The following PDE6D variants were observed in gnomAD, a reference collection of about 807,000 sequenced individuals.
PDE6D encodes retinal rod rhodopsin-sensitive cGMP 3',5'-cyclic phosphodiesterase subunit delta.
Under a neutral mutation model 21.9 loss-of-function variants are expected in PDE6D, and 10 were observed. The observed-to-expected ratio is 0.46, with a 90% confidence interval of 0.28 to 0.78. PDE6D has a LOEUF of 0.78. Among genes scored for constraint, PDE6D ranks in the 30% least tolerant of loss-of-function variants. The pLI is 0.12. For missense variants in PDE6D, 139 were observed against 184.8 expected, an observed-to-expected ratio of 0.75 and a Z score of 1.44; for synonymous variants, 59 against 63.5, an observed-to-expected ratio of 0.93 and a Z score of 0.34.
rs1413317447 is a variant in PDE6D, at chr2:231,739,772, T to C, written c.51-584A>G. 6.6e-6 allele frequency among the ~76,000 whole-genome samples: 1 copy of C among 152,064 alleles called. No individual in the cohort carries two copies. The highest frequency in any genetic ancestry group is 1.5e-5 in the Non-Finnish European group (1 of 68,012). ...TCAGCCTCCTGAGTAGCTGGAATTA[T>C]AGGAGCACGTCACCAAGCCCAGCTT... On this transcript the variant is annotated intron_variant, in intron 1 of 4. Coordinates refer to ENST00000287600, the MANE Select transcript of PDE6D (RefSeq NM_002601.4). The surrounding 1 kb of genome is among the most constrained non-coding windows in gnomAD (Gnocchi z 4.2).
intron 1 of PDE6D, among the ~76,000 whole-genome samples, chr2:231,769,163 C>T (rs2048995921): frequency 6.6e-6 from 1 of 152,220 alleles, no homozygotes; most frequent in Admixed American, 6.5e-5. Context: ...GCCACCATGC[C>T]TGGCCTGCTT....
intron 1 of PDE6D, among the ~76,000 whole-genome samples, chr2:231,779,994 C>A (rs1398502222): frequency 1.3e-5 from 2 of 152,252 alleles, no homozygotes; most frequent in Admixed American, 1.3e-4. Flanking sequence ...ACTGAGGGAG[C>A]AATTTAAGAA....
chr2:231,748,459 G>A (rs149237742), intron 1 of PDE6D, among the ~76,000 whole-genome samples: 2,515 of 152,278 alleles, frequency 0.017, 73 homozygotes, highest in African/African-American at 0.057. Flanking sequence ...CTTGGGTGCT[G>A]TTAAAGGCAT....
intron 1 of PDE6D, among the ~76,000 whole-genome samples, chr2:231,758,909 C>A (rs1160324605): frequency 6.6e-6 from 1 of 152,092 alleles, no homozygotes; most frequent in Non-Finnish European, 1.5e-5. Context: ...GGAAAGAAAA[C>A]TCTCATAAAG....
chr2:231,768,310 T>C (rs1203692945), intron 1 of PDE6D, among the ~76,000 whole-genome samples: 1 of 152,210 alleles, frequency 6.6e-6, no homozygotes. Flanking sequence ...AACACTTTCC[T>C]TCCTCTGTTA....
intron 1 of PDE6D, among the ~76,000 whole-genome samples, chr2:231,744,659 C>G (rs2048778099): frequency 6.6e-6 from 1 of 152,084 alleles, no homozygotes; most frequent in Non-Finnish European, 1.5e-5. Flanking sequence ...TCTCGAACTC[C>G]CAACCTGAGG....
At chr2:231,738,185 C>A in intron 2 of PDE6D, 47 bp from the exon 3 acceptor site, 2 of 1,577,254 alleles carry the variant, frequency 1.3e-6, no homozygotes, top group Non-Finnish European at 1.7e-6. Context: ...ATGAAAACCA[C>A]AGGACTATGA....
In PDE6D at chr2:231,739,763, CT is replaced by C. The variant is rs1219558289; in HGVS notation, c.51-576del. Among the ~76,000 whole-genome samples the C allele has an allele frequency of 6.6e-6, 1 of 151,920 alleles. No individual in the cohort carries two copies. The highest frequency in any genetic ancestry group is 1.9e-4 in the East Asian group (1 of 5,192). On this transcript the variant is annotated intron_variant, in intron 1 of 4. Transcript: ENST00000287600. The surrounding 1 kb of genome is among the most constrained non-coding windows in gnomAD (Gnocchi z 4.2). ...TCTTGTGCCTCAGCCTCCTGAGTAG[CT>C]GGAATTATAGGAGCACGTCACCAAG... is the stretch of plus-strand genomic sequence containing the variant.
chr2:231,746,193 G>C (rs2106267165), intron 1 of PDE6D, among the ~76,000 whole-genome samples: 1 of 152,118 alleles, frequency 6.6e-6, no homozygotes, highest in African/African-American at 2.4e-5. Context: ...CCAGGCTGGA[G>C]TGCAGTGGTG....
chr2:231,752,830 A>AG (rs1174332795), intron 1 of PDE6D, among the ~76,000 whole-genome samples: 2 of 115,568 alleles, frequency 1.7e-5, no homozygotes, highest in African/African-American at 6.8e-5. Flanking sequence ...GAGAGATTTG[A>AG]GTTTTTTTTT....
intron 1 of PDE6D, among the ~76,000 whole-genome samples, chr2:231,780,629 G>A (rs2049105919): frequency 6.6e-6 from 1 of 152,230 alleles, no homozygotes; most frequent in African/African-American, 2.4e-5. Context: ...ACTGTTCCCC[G>A]CTCCCCGGGT....
At position 231,780,751 on chromosome 2, in the gene PDE6D, G is replaced by A. The variant is rs573455411; in HGVS notation, c.50+314C>T. Among the ~76,000 whole-genome samples, 14 of 152,102 alleles carry A rather than the reference G, an allele frequency of 9.2e-5. No homozygotes were observed. In the South Asian group the frequency reaches 2.9e-3, roughly 32 times the overall value. On this transcript the variant is annotated intron_variant, in intron 1 of 4. Transcript: ENST00000287600. Reference sequence around the variant, plus strand: ...GGCCTCTGGGTCCCGGCCGGGGATCGGAACCCAGCCGGCTTCTCCGACAGC... The same window carrying A: ...GGCCTCTGGGTCCCGGCCGGGGATCAGAACCCAGCCGGCTTCTCCGACAGC...
intron 1 of PDE6D, among the ~76,000 whole-genome samples, chr2:231,759,114 T>A (rs1200454910): frequency 6.6e-6 from 1 of 151,712 alleles, no homozygotes; most frequent in East Asian, 1.9e-4. Context: ...GGCCAGGAGT[T>A]CGACACCAGC....
Position 231,739,143 on chromosome 2 carries a change from C to T in PDE6D, c.96G>A (p.Trp32Ter). The T allele has an allele frequency of 6.2e-7, 1 of 1,613,306 alleles. No individual in the cohort carries two copies. The highest frequency in any genetic ancestry group is 8.5e-7 in the Non-Finnish European group (1 of 1,179,374). ...LRDAETGKIL[W>*]QGTEDLSVPG... The stretch of plus-strand genomic sequence containing the variant: ...GGACAGACAGGTCTTCTGTTCCTTG[C>T]CAGAGTATCTTCCCTGTCTCAGCAT... The change falls in exon 2 of 5, where the codon TGG becomes TGA. Residue 32 changes from tryptophan (W) to a stop codon, truncating the protein, a stop_gained. Transcript: ENST00000287600. LOFTEE classifies it high-confidence loss of function. This position sits in a 1 kb window ranked among gnomAD's most constrained non-coding sequence, Gnocchi z 4.2.
intron 2 of PDE6D, among the ~76,000 whole-genome samples, 191 bp downstream of exon 2, chr2:231,738,909 G>C (rs1309167494): frequency 4.6e-5 from 5 of 108,506 alleles, no homozygotes; most frequent in Admixed American, 4.1e-4. Flanking sequence ...GATAGAGCAA[G>C]ACTGTGTCTC....
In PDE6D at chr2:231,732,719, G is replaced by A. The variant is rs1393391746; in HGVS notation, c.*233C>T. 3.2e-5 allele frequency: 15 copies of A among 471,188 alleles called. No individual in the cohort carries two copies. The highest frequency in any genetic ancestry group is 2.6e-4 in the Admixed American group (7 of 27,404). The allele number at this position is 471,188 out of a possible 1,614,324, so 29.2% of individuals were successfully genotyped here. On this transcript the variant is annotated 3_prime_UTR_variant, in exon 5 of 5. Transcript: ENST00000287600. The stretch of plus-strand genomic sequence containing the variant: ...GGGAAGGACTTGAGACCTGTCCCCT[G>A]CCCTGGTCTGGGGTTGGGAGTTTAG...
chr2:231,775,483 G>GT (rs1559337003), intron 1 of PDE6D, among the ~76,000 whole-genome samples: 10 of 132,880 alleles, frequency 7.5e-5, no homozygotes, highest in Non-Finnish European at 1.3e-4. Flanking sequence ...TAATTTTTGT[G>GT]TGTGTTTTTT....
intron 1 of PDE6D, among the ~76,000 whole-genome samples, chr2:231,763,059 A>T (rs534511743): frequency 6.6e-6 from 1 of 152,326 alleles, no homozygotes; most frequent in East Asian, 1.9e-4. Context: ...AATCAATCCT[A>T]GCTACTATAG....
At position 231,739,341 on chromosome 2, in the gene PDE6D, AG is replaced by A; in HGVS notation, c.51-154del. On this transcript the variant is annotated intron_variant, in intron 1 of 4. Transcript: ENST00000287600. This position sits in a 1 kb window ranked among gnomAD's most constrained non-coding sequence, Gnocchi z 4.2. Reference sequence around the variant, plus strand: ...CATGGAAGCACATAAGAATGTGAGGAGAGTCAAAAAGACATCTAAAGGAAGA... The same window carrying A: ...CATGGAAGCACATAAGAATGTGAGGAAGTCAAAAAGACATCTAAAGGAAGA... 1 of 745,542 alleles carries A rather than the reference AG, an allele frequency of 1.3e-6. No individual in the cohort carries two copies. The highest frequency in any genetic ancestry group is 2.5e-6 in the Non-Finnish European group (1 of 404,946). 46.2% of individuals were successfully genotyped at this position (745,542 alleles called of 1,614,324 possible). A position where few individuals can be genotyped will look rare whatever the true frequency, so the allele number is the denominator to read the frequency against.
Sources: gnomAD v4.1 joint callset for allele counts (sites outside exome capture counted in the v4.1 genomes callset) on GRCh38, gnomAD v4.1.1 for gene constraint, Gnocchi (gnomAD v3.1) non-coding constraint, MANE v1.5 for transcripts, NCBI Gene and HGNC (gene_info 2026-07-23, HGNC 2026-07-21) for gene names.